NOC3L: variants seen among roughly 807,000 people sequenced by gnomAD.
NOC3L encodes NOC3 like DNA replication regulator.
A neutral mutation model predicts 102.5 loss-of-function variants in NOC3L; 85 were observed. The ratio of observed to expected loss-of-function variants is 0.83; its 90% CI spans 0.70 to 0.99. The LOEUF is 0.99. Ranked by LOEUF, NOC3L falls within the 50% of genes least tolerant of loss-of-function variation. The pLI is 0.00. For missense variants in NOC3L, 878 were observed against 914.9 expected (o/e 0.96, Z 0.52); for synonymous variants, 303 against 309.4 (o/e 0.98, Z 0.22).
At chr10:94,326,868 T>TG in the NOC3L span, among the ~76,000 whole-genome samples, 5 of 152,194 alleles carry the variant, frequency 3.3e-5, no homozygotes, top group African/African-American at 1.2e-4. Flanking sequence ...TGCTTAAAGC[T>TG]GGGGAGGCCT....
At chr10:94,329,479 A>T (rs2054130046), downstream of NOC3L, 1 of 152,200 alleles carries the variant, frequency 6.6e-6, no homozygotes, top group Non-Finnish European at 1.5e-5. Flanking sequence ...CTAAAAACAG[A>T]AGTGTTAAAA....
chr10:94,329,776 CAAAAAAAAAAAAAAAAAAAAAA>C (rs71031569), downstream of NOC3L: 11 of 37,954 alleles, frequency 2.9e-4, no homozygotes, highest in South Asian at 1.8e-3. Flanking sequence ...GACTCCGTCT[CAAAAAAAAAAAAAAAAAAAAAA>C]AAAAAAAAAA....
At chr10:94,325,574 A>G in the NOC3L span, 1 of 152,176 alleles carries the variant, frequency 6.6e-6, no homozygotes. Flanking sequence ...CAGCCTGGGC[A>G]ATGAGAGTGA....
In NOC3L at chr10:94,344,408, C is replaced by G; in HGVS notation, c.1571+7G>C. On this transcript the variant is annotated splice_region_variant and intron_variant, in intron 13 of 20. Transcript: ENST00000371361. ...ATCTAAAAGATTTCAACCTACACAG[C>G]CCTTACTTGGCAAGACCTTCTAGAA... is the stretch of plus-strand genomic sequence containing the variant. The G allele has an allele frequency of 1.9e-6, 3 of 1,594,998 alleles. No individual in the cohort carries two copies. Among genetic ancestry groups the G allele is most frequent in the Non-Finnish European group, 2.6e-6 (3 of 1,163,652 alleles).
intron 17 of NOC3L, among the ~76,000 whole-genome samples, chr10:94,339,132 C>A (rs1461062287): frequency 1.3e-5 from 2 of 152,136 alleles, no homozygotes; most frequent in African/African-American, 2.4e-5. Flanking sequence ...AACCAGACTG[C>A]CTACATTTGA....
the NOC3L span, chr10:94,327,839 G>A: frequency 6.2e-6 from 2 of 322,510 alleles, no homozygotes; most frequent in South Asian, 6.1e-5. Flanking sequence ...GAGTACAGAG[G>A]AAACAGTCTC....
intron 11 of NOC3L, among the ~76,000 whole-genome samples, chr10:94,345,330 A>C (rs2054330862): frequency 6.6e-6 from 1 of 152,156 alleles, no homozygotes; most frequent in Non-Finnish European, 1.5e-5. Context: ...TTGAGCCCAA[A>C]AATAATGGCT....
intron 12 of NOC3L, 113 bp from the exon 13 acceptor site, chr10:94,344,628 CA>C (rs2054322571): frequency 1.4e-6 from 1 of 733,396 alleles, no homozygotes; most frequent in African/African-American, 1.8e-5. Context: ...TCCCTCCCCA[CA>C]ATGCAATCTT....
chr10:94,341,809 G>T, intron 13 of NOC3L, 64 bp from the exon 14 acceptor site: 1 of 946,010 alleles, frequency 1.1e-6, no homozygotes. Context: ...TAGAAATTAA[G>T]CTTGACTTTA....
the NOC3L span, among the ~76,000 whole-genome samples, chr10:94,326,075 T>C: frequency 1.3e-5 from 2 of 152,166 alleles, no homozygotes; most frequent in African/African-American, 4.8e-5. Context: ...CAGTGGTAAG[T>C]CTCTCCTTTT....
At chr10:94,355,215 A>G in intron 5 of NOC3L, 122 bp from the exon 6 acceptor site, 2 of 750,986 alleles carry the variant, frequency 2.7e-6, no homozygotes, top group Non-Finnish European at 4.2e-6. Context: ...ATTTACTACT[A>G]CACATCATCT....
intron 8 of NOC3L, among the ~76,000 whole-genome samples, chr10:94,351,410 C>T (rs1374751610): frequency 2.0e-5 from 3 of 152,148 alleles, no homozygotes; most frequent in African/African-American, 7.2e-5. Flanking sequence ...TATTCCTACC[C>T]CTATTTTTTC....
chr10:94,342,037 G>T (rs1189308547), intron 13 of NOC3L, among the ~76,000 whole-genome samples: 1 of 152,190 alleles, frequency 6.6e-6, no homozygotes, highest in Non-Finnish European at 1.5e-5. Context: ...AACTTCCTGA[G>T]GAAAGTTTAG....
At position 94,357,435 on chromosome 10, in the gene NOC3L, T is replaced by C. The variant is rs138165212; in HGVS notation, c.351-104A>G. The C allele has an allele frequency of 1.3e-4, 126 of 948,466 alleles. 1 individual carries two copies. The East Asian group carries it at 3.2e-3, about 24-fold the overall frequency. 58.8% of individuals were successfully genotyped at this position (948,466 alleles called of 1,614,324 possible). A position where few individuals can be genotyped will look rare whatever the true frequency, so the allele number is the denominator to read the frequency against. ...AGAAAAACCACCAGCCAACTTTCAA[T>C]AGGTATATGGATAGTAGCACTTAGG... On this transcript the variant is annotated intron_variant, in intron 3 of 20. Transcript: ENST00000371361.
rs746248712 is a variant in NOC3L at position 94,358,232 on chromosome 10, C to A, written c.218-17G>T. On this transcript the variant is annotated splice_polypyrimidine_tract_variant and intron_variant, in intron 2 of 20. Transcript: ENST00000371361. ...TCCTTTTACCTGTACCACACACACA[C>A]ACACACAAAGAAAAATTAGAAACAA... The A allele has an allele frequency of 8.1e-7, 1 of 1,235,468 alleles. No individual in the cohort carries two copies. The allele number at this position is 1,235,468 out of a possible 1,614,324, so 76.5% of individuals were successfully genotyped here.
the NOC3L span, chr10:94,324,605 T>G: frequency 6.8e-7 from 1 of 1,479,296 alleles, no homozygotes; most frequent in South Asian, 1.1e-5. Flanking sequence ...TCTTAAGTTA[T>G]CTGATACCCA....
At position 94,346,564 on chromosome 10, in the gene NOC3L, T is replaced by G; in HGVS notation, c.1258-8A>C. The stretch of plus-strand genomic sequence containing the variant: ...TAAAAATGTTTTTAACATCTAATAT[T>G]GGAAAAAAAACACAAATATACAGCT... On this transcript the variant is annotated splice_region_variant and splice_polypyrimidine_tract_variant and intron_variant, in intron 10 of 20. Coordinates refer to ENST00000371361, the MANE Select transcript of NOC3L (RefSeq NM_022451.11). 1 of 1,336,984 alleles carries G rather than the reference T, an allele frequency of 7.5e-7. No homozygotes were observed. Among genetic ancestry groups the G allele is most frequent in the Non-Finnish European group, 1.0e-6 (1 of 998,034 alleles). 82.8% of individuals were successfully genotyped at this position (1,336,984 alleles called of 1,614,324 possible). A position where few individuals can be genotyped will look rare whatever the true frequency, so the allele number is the denominator to read the frequency against.
Position 94,346,478 on chromosome 10 carries a change from T to A in NOC3L, c.1336A>T (p.Lys446Ter). The change falls in exon 11 of 21, where the codon AAA becomes TAA. Residue 446 changes from lysine (K) to a stop codon, truncating the protein, a stop_gained. Transcript: ENST00000371361. LOFTEE classifies it high-confidence loss of function. The stretch of plus-strand genomic sequence containing the variant: ...CTCTTTTCTTTGAAAGTCATAAATT[T>A]TTTTGGTTTATTAATGTCTTCTGTA... ...KDTEDINKPKKFMTFKEKRKS... is the reference protein window; with the variant it reads ...KDTEDINKPK 6.6e-7 allele frequency: 1 copy of A among 1,514,118 alleles called. No individual in the cohort carries two copies. Among genetic ancestry groups the A allele is most frequent in the Non-Finnish European group, 8.9e-7 (1 of 1,126,792 alleles). The allele number at this position is 1,514,118 out of a possible 1,614,324, so 93.8% of individuals were successfully genotyped here. A position where few individuals can be genotyped will look rare whatever the true frequency, so the allele number is the denominator to read the frequency against.
chr10:94,325,029 G>A, the NOC3L span: 1 of 1,614,212 alleles, frequency 6.2e-7, no homozygotes, highest in East Asian at 2.2e-5. Context: ...CCAAGGAGGA[G>A]AAACCTGTGG....
Sources: allele counts gnomAD v4.1 joint callset (sites outside exome capture counted in the v4.1 genomes callset), GRCh38; gene constraint gnomAD v4.1.1; transcripts MANE v1.5; gene names NCBI Gene and HGNC (gene_info 2026-07-23, HGNC 2026-07-21).